The following CCDC82 variants were observed in gnomAD, a reference collection of about 807,000 sequenced individuals.
The protein encoded by CCDC82 is coiled-coil domain containing 82.
In CCDC82, 47 loss-of-function variants were observed where a neutral mutation model predicts 60.6. That is an observed-to-expected ratio of 0.77 (90% CI 0.61 to 0.99). The LOEUF (loss-of-function observed/expected upper bound fraction) is 0.99, where lower values mean the gene tolerates loss of function less well. Among genes scored for constraint, CCDC82 ranks in the 50% least tolerant of loss-of-function variants. The pLI is 0.00. For missense variants in CCDC82, 588 were observed against 633.0 expected, an observed-to-expected ratio of 0.93 and a Z score of 0.76; for synonymous variants, 212 against 207.4, an observed-to-expected ratio of 1.02 and a Z score of -0.19.
rs1172790255 is a variant in CCDC82 at position 96,361,004 on chromosome 11, G to T, written c.1381-1826C>A. Among the ~76,000 whole-genome samples the T allele has an allele frequency of 2.0e-5, 3 of 152,302 alleles. No individual in the cohort carries two copies. The East Asian group carries it at 5.8e-4, about 29-fold the overall frequency. Reference sequence around the variant, plus strand: ...AAGTAAACAGGTATTATTGTACATGGCTTATTAAAATTAACTTTTCCAATT... The same window carrying T: ...AAGTAAACAGGTATTATTGTACATGTCTTATTAAAATTAACTTTTCCAATT... On this transcript the variant is annotated intron_variant, in intron 8 of 9. Transcript: ENST00000646818.
At chr11:96,362,360 T>C (rs1037851113) in intron 8 of CCDC82, among the ~76,000 whole-genome samples, 4 of 152,186 alleles carry the variant, frequency 2.6e-5, no homozygotes, top group Non-Finnish European at 4.4e-5. Flanking sequence ...GTTTGTTTTC[T>C]GTTTCTGGGT....
chr11:96,359,445 C>A (rs1864517988), intron 8 of CCDC82, among the ~76,000 whole-genome samples: 1 of 151,788 alleles, frequency 6.6e-6, no homozygotes, highest in Admixed American at 6.6e-5. Context: ...CAAATGGTTA[C>A]AAAACAACAT....
chr11:96,369,525 G>A (rs1267750137), intron 7 of CCDC82, among the ~76,000 whole-genome samples: 1 of 152,212 alleles, frequency 6.6e-6, no homozygotes, highest in Non-Finnish European at 1.5e-5. Flanking sequence ...GAGAGGAAGA[G>A]AGATGGGAAA....
intron 5 of CCDC82, among the ~76,000 whole-genome samples, chr11:96,379,556 G>T (rs1026728825): frequency 3.3e-5 from 5 of 151,786 alleles, no homozygotes; most frequent in Admixed American, 3.3e-4. Context: ...TTTTGTTTTT[G>T]TTTTTTGGAA....
chr11:96,386,624 T>G (rs1443543215), intron 2 of CCDC82: 2 of 152,172 alleles, frequency 1.3e-5, no homozygotes, highest in Non-Finnish European at 2.9e-5. Context: ...TCTCCTGACC[T>G]CAAGTGATCC....
At chr11:96,357,571 T>A in intron 9 of CCDC82, 1 of 985,294 alleles carries the variant, frequency 1.0e-6, no homozygotes, top group South Asian at 4.7e-5. Context: ...GATTTGGAAA[T>A]GCTTTTTTCT....
chr11:96,372,667 TAA>T (rs1245936162), intron 6 of CCDC82, among the ~76,000 whole-genome samples: 3 of 145,148 alleles, frequency 2.1e-5, no homozygotes, highest in Non-Finnish European at 4.5e-5. Context: ...TAAATATATA[TAA>T]ACATATATAA....
intron 6 of CCDC82, 90 bp from the exon 7 acceptor site, chr11:96,371,227 T>G: frequency 1.2e-6 from 1 of 838,360 alleles, no homozygotes; most frequent in Non-Finnish European, 1.7e-6. Flanking sequence ...CCCAACTTGG[T>G]TGGAAGCATT....
intron 7 of CCDC82, among the ~76,000 whole-genome samples, chr11:96,369,414 C>A (rs1365955706): frequency 2.6e-5 from 4 of 152,144 alleles, no homozygotes; most frequent in Non-Finnish European, 5.9e-5. Flanking sequence ...AGTGAGAGAC[C>A]TGCAACTCTT....
At chr11:96,389,203 A>C (rs1866392129) in intron 1 of CCDC82, 1 of 152,276 alleles carries the variant, frequency 6.6e-6, no homozygotes, top group African/African-American at 2.4e-5. Flanking sequence ...ACAGTCCACA[A>C]TTTCGCAAAG....
At chr11:96,375,198 T>C (rs566345931) in intron 5 of CCDC82, among the ~76,000 whole-genome samples, 2 of 152,318 alleles carry the variant, frequency 1.3e-5, no homozygotes, top group Admixed American at 1.3e-4. Flanking sequence ...AGTTTAACTA[T>C]CATACAAATT....
intron 5 of CCDC82, 93 bp downstream of exon 5, chr11:96,383,176 A>G (rs1179715702): frequency 6.5e-6 from 5 of 763,560 alleles, no homozygotes; most frequent in South Asian, 6.3e-5. Context: ...TTTCTAGTCA[A>G]TGATTTAGAA....
At chr11:96,357,074 A>G (rs1245550075) in intron 9 of CCDC82, 1 of 985,384 alleles carries the variant, frequency 1.0e-6, no homozygotes. Context: ...AGCTAAAGGC[A>G]GCACACATCA....
intron 9 of CCDC82, chr11:96,356,684 A>G (rs746191001): frequency 9.5e-6 from 9 of 950,978 alleles, no homozygotes; most frequent in Non-Finnish European, 1.1e-5. Context: ...TAATTTTCCT[A>G]TTATCTATTC....
At chr11:96,378,762 C>T (rs943745105) in intron 5 of CCDC82, among the ~76,000 whole-genome samples, 1 of 151,948 alleles carries the variant, frequency 6.6e-6, no homozygotes, top group African/African-American at 2.4e-5. Flanking sequence ...GTAAATGTGG[C>T]ATGCAATGGA....
At chr11:96,377,156 G>A (rs77092773) in intron 5 of CCDC82, among the ~76,000 whole-genome samples, 7,655 of 152,278 alleles carry the variant, frequency 0.05, 271 homozygotes, top group Middle Eastern at 0.078. Flanking sequence ...GTATGAGGCA[G>A]AGGCAGAACA....
chr11:96,373,523 T>C, intron 5 of CCDC82, 56 bp from the exon 6 acceptor site: 1 of 1,026,744 alleles, frequency 9.7e-7, no homozygotes, highest in Non-Finnish European at 1.5e-6. Flanking sequence ...ATTTCTTGAA[T>C]ACAATAGGTT....
In CCDC82 at chr11:96,353,131, T is replaced by C. The variant is rs1864167336; in HGVS notation, c.*515A>G. 2 of 152,508 alleles carry C rather than the reference T, an allele frequency of 1.3e-5. No individual in the cohort carries two copies. The highest frequency in any genetic ancestry group is 1.5e-5 in the Non-Finnish European group (1 of 68,238). The allele number at this position is 152,508 out of a possible 1,614,324, so 9.4% of individuals were successfully genotyped here. ...AGCATTCCTCTACTTAGAATAGATA[T>C]GCTATGATCTGATTCTGAAGCAATG... On this transcript the variant is annotated 3_prime_UTR_variant, in exon 10 of 10. Transcript: ENST00000646818.
At chr11:96,378,881 T>G (rs968119049) in intron 5 of CCDC82, among the ~76,000 whole-genome samples, 19 of 151,948 alleles carry the variant, frequency 1.3e-4, no homozygotes, top group Non-Finnish European at 2.1e-4. Context: ...AGAAAAAGAC[T>G]ATGACTGTAG....
Sources: allele counts gnomAD v4.1 joint callset (sites outside exome capture counted in the v4.1 genomes callset), GRCh38; gene constraint gnomAD v4.1.1; transcripts MANE v1.5; gene names NCBI Gene and HGNC (gene_info 2026-07-23, HGNC 2026-07-21).